The following FHIP1A variants were observed in gnomAD, a reference collection of about 807,000 sequenced individuals.
FHIP1A encodes FHF complex subunit HOOK-interacting protein 1A.
A neutral mutation model predicts 88.6 loss-of-function variants in FHIP1A; 61 were observed. That is an observed-to-expected ratio of 0.69 (90% CI 0.56 to 0.85). The LOEUF (loss-of-function observed/expected upper bound fraction) is 0.85. Among genes scored for constraint, FHIP1A ranks in the 40% least tolerant of loss-of-function variants. The pLI is 0.00. For missense variants in FHIP1A, 1,154 were observed against 1,273.5 expected, an observed-to-expected ratio of 0.91 and a Z score of 1.43; for synonymous variants, 478 against 496.0, an observed-to-expected ratio of 0.96 and a Z score of 0.48.
chr4:151,503,106 C>T (rs1370044241), intron 3 of FHIP1A, among the ~76,000 whole-genome samples: 1 of 152,158 alleles, frequency 6.6e-6, no homozygotes, highest in Non-Finnish European at 1.5e-5. Flanking sequence ...GTCTAATTAA[C>T]AAGAGAGAGG....
In FHIP1A at chr4:151,649,668, G is replaced by A; in HGVS notation, c.1627G>A (p.Gly543Ser). 2 of 1,551,656 alleles carry A rather than the reference G, an allele frequency of 1.3e-6. No individual in the cohort carries two copies. Among genetic ancestry groups the A allele is most frequent in the African/African-American group, 1.4e-5 (1 of 73,178 alleles). ...EMFLQSLTEE[G>S]SVSSACPVFG... ...GTTTCTCCAGAGTCTGACGGAGGAG[G>A]GCAGTGTGAGCTCGGCCTGCCCTGT... Residue 543 changes from glycine to serine, a missense_variant, in exon 11 of 14, where the codon GGC becomes AGC. Gly to Ser is a moderately conservative substitution (Grantham distance 56). Coordinates refer to ENST00000435205, the MANE Select transcript of FHIP1A (RefSeq NM_001109977.3).
At position 151,578,041 on chromosome 4, in the gene FHIP1A, G is replaced by GAGATCTACA. The variant is rs1353645495; in HGVS notation, c.697_698insAGATCTACA (p.Ala233delinsGluIleTyrThr). 1.3e-6 allele frequency: 2 copies of GAGATCTACA among 1,550,324 alleles called. No homozygotes were observed. Among genetic ancestry groups the GAGATCTACA allele is most frequent in the South Asian group, 2.4e-5 (2 of 83,982 alleles). ...TCTTTCTGCTGAGAACACCATGGTGGCCCATCACATCGTGGAGAACACCTA... is the reference window on the plus strand; with the variant it reads ...TCTTTCTGCTGAGAACACCATGGTGGAGATCTACACCCATCACATCGTGGAGAACACCTA... On this transcript the variant is annotated protein_altering_variant, in exon 5 of 14. Coordinates refer to ENST00000435205, the MANE Select transcript of FHIP1A (RefSeq NM_001109977.3).
rs1222572273 is a variant in FHIP1A, at chr4:151,562,500, G to T, written c.-122-3638G>T. ...CATGTTCATTGGTTCATTCCCATTA[G>T]GCCTGCCAATATAATCACTTTTCCT... On this transcript the variant is annotated intron_variant, in intron 3 of 13. Coordinates refer to ENST00000435205, the MANE Select transcript of FHIP1A (RefSeq NM_001109977.3). Among the ~76,000 whole-genome samples the T allele has an allele frequency of 2.6e-5, 4 of 151,978 alleles. No individual in the cohort carries two copies. The East Asian group carries it at 7.7e-4, about 29-fold the overall frequency.
chr4:151,669,518 T>C lies in FHIP1A; in HGVS notation c.*6764T>C, dbSNP rs1737785172. ...TTTGGTGAAAACAGAATTTATAAAA[T>C]GAAACTGAACCTTCTCCTTTCTTAC... is the stretch of plus-strand genomic sequence containing the variant. On this transcript the variant is annotated 3_prime_UTR_variant, in exon 14 of 14. Transcript: ENST00000435205. 6.6e-6 allele frequency among the ~76,000 whole-genome samples: 1 copy of C among 152,168 alleles called. No homozygotes were observed. The highest frequency in any genetic ancestry group is 6.5e-5 in the Admixed American group (1 of 15,274).
chr4:151,492,087 C>A (rs1388524907), intron 3 of FHIP1A, among the ~76,000 whole-genome samples: 3 of 152,166 alleles, frequency 2.0e-5, no homozygotes, highest in Non-Finnish European at 4.4e-5. Flanking sequence ...CAGCACTAGA[C>A]AGGTCGTCAA....
At chr4:151,630,326 A>G (rs755694592) in intron 8 of FHIP1A, among the ~76,000 whole-genome samples, 1 of 152,194 alleles carries the variant, frequency 6.6e-6, no homozygotes, top group Non-Finnish European at 1.5e-5. Context: ...GTCATTCTTC[A>G]TTTTGAAGCT....
intron 1 of FHIP1A, among the ~76,000 whole-genome samples, chr4:151,428,589 C>A (rs1054300407): frequency 6.6e-6 from 1 of 152,104 alleles, no homozygotes; most frequent in African/African-American, 2.4e-5. Flanking sequence ...CCTCCAGCAC[C>A]CTCCTTCCCA....
chr4:151,438,055 G>A (rs1728266445), intron 1 of FHIP1A, among the ~76,000 whole-genome samples: 3 of 150,524 alleles, frequency 2.0e-5, no homozygotes, highest in Admixed American at 6.6e-5. Flanking sequence ...CCACCCCCCA[G>A]CCCCCCAAAC....
At chr4:151,649,317 A>AT (rs1041084428) in intron 10 of FHIP1A, 142 bp from the exon 11 acceptor site, 5 of 588,508 alleles carry the variant, frequency 8.5e-6, no homozygotes, top group African/African-American at 7.4e-5. Context: ...TAACCATATT[A>AT]TTCAGAGGTC....
chr4:151,618,945 C>T (rs1188466586), intron 7 of FHIP1A, among the ~76,000 whole-genome samples: 3 of 152,146 alleles, frequency 2.0e-5, no homozygotes, highest in Non-Finnish European at 4.4e-5. Context: ...GCAAAGAGAT[C>T]GGTTAATGCA....
In FHIP1A at chr4:151,494,727, A is replaced by G. The variant is rs2126652434; in HGVS notation, c.-123+12079A>G. On this transcript the variant is annotated intron_variant, in intron 3 of 13. Transcript: ENST00000435205. Reference sequence around the variant, plus strand: ...TGAAGAATGTCATTGGTAGTTTGACAGGAATAGCATTGAATCTGTAAATTG... The same window carrying G: ...TGAAGAATGTCATTGGTAGTTTGACGGGAATAGCATTGAATCTGTAAATTG... Among the ~76,000 whole-genome samples, 2 of 152,318 alleles carry G rather than the reference A, an allele frequency of 1.3e-5. 1 individual carries two copies. The highest frequency in any genetic ancestry group is 4.1e-4 in the South Asian group (2 of 4,828).
At chr4:151,599,929 A>G (rs1335992385) in intron 7 of FHIP1A, among the ~76,000 whole-genome samples, 1 of 152,262 alleles carries the variant, frequency 6.6e-6, no homozygotes, top group Non-Finnish European at 1.5e-5. Context: ...CATTTCGGTC[A>G]GGATTAGCTT....
In FHIP1A at chr4:151,664,865, A is replaced by G. The variant is rs888487693; in HGVS notation, c.*2111A>G. 2.0e-5 allele frequency among the ~76,000 whole-genome samples: 3 copies of G among 152,152 alleles called. No individual in the cohort carries two copies. On this transcript the variant is annotated 3_prime_UTR_variant, in exon 14 of 14. Transcript: ENST00000435205. ...GGTGGTGTTGATTCTTCTTGAATCC[A>G]TATTTCTGCATTGTAGAATACCATG...
intron 2 of FHIP1A, among the ~76,000 whole-genome samples, chr4:151,472,122 T>C (rs1310544609): frequency 6.6e-6 from 1 of 152,170 alleles, no homozygotes; most frequent in African/African-American, 2.4e-5. Context: ...GGATGGACAC[T>C]GGACATATGT....
intron 3 of FHIP1A, among the ~76,000 whole-genome samples, chr4:151,547,220 A>G (rs1732539663): frequency 6.7e-6 from 1 of 150,184 alleles, no homozygotes; most frequent in African/African-American, 2.4e-5. Context: ...GTACCTGCAG[A>G]TACAGTGCTG....
At chr4:151,457,555 A>G (rs772259776) in intron 2 of FHIP1A, among the ~76,000 whole-genome samples, 11 of 152,232 alleles carry the variant, frequency 7.2e-5, no homozygotes, top group Non-Finnish European at 1.5e-4. Flanking sequence ...ACTGCAAAGT[A>G]GAGTTTATTC....
chr4:151,558,630 G>C (rs1397403345), intron 3 of FHIP1A, among the ~76,000 whole-genome samples: 1 of 152,206 alleles, frequency 6.6e-6, no homozygotes, highest in Non-Finnish European at 1.5e-5. Flanking sequence ...CTGAGTGCAG[G>C]AAGCTTTTCT....
At chr4:151,551,892 C>A (rs1170256420) in intron 3 of FHIP1A, among the ~76,000 whole-genome samples, 2 of 152,236 alleles carry the variant, frequency 1.3e-5, no homozygotes, top group Non-Finnish European at 2.9e-5. Flanking sequence ...AGTGAACAGG[C>A]AACCTACAGA....
intron 3 of FHIP1A, among the ~76,000 whole-genome samples, chr4:151,526,767 T>C (rs539377567): frequency 0.013 from 1,754 of 139,162 alleles, 11 homozygotes; most frequent in Non-Finnish European, 0.02. Context: ...ACTTCTCAGA[T>C]GGGGCGGCTG....
Sources: gnomAD v4.1 joint callset for allele counts (sites outside exome capture counted in the v4.1 genomes callset) on GRCh38, gnomAD v4.1.1 for gene constraint, MANE v1.5 for transcripts, NCBI Gene and HGNC (gene_info 2026-07-23, HGNC 2026-07-21) for gene names.